The following DIP2C variants were observed in gnomAD, a reference collection of about 807,000 sequenced individuals.
DIP2C encodes DIP2 acetate--CoA ligase C (putative).
Under a neutral mutation model 192.4 loss-of-function variants are expected in DIP2C, and 33 were observed. The observed-to-expected ratio is 0.17, with a 90% CI of 0.13 to 0.23. The LOEUF (loss-of-function observed/expected upper bound fraction) is 0.23. DIP2C is among the 10% of genes least tolerant of loss of function. DIP2C has a pLI of 1.00. For missense variants in DIP2C, 1,537 were observed against 2,110.1 expected (o/e 0.73, Z 5.32); for synonymous variants, 979 against 864.1 (o/e 1.13, Z -2.33).
chr10:332,424 G>A (rs888428434), intron 29 of DIP2C, among the ~76,000 whole-genome samples: 4 of 152,056 alleles, frequency 2.6e-5, no homozygotes, highest in Non-Finnish European at 5.9e-5. Flanking sequence ...TCAACATTAA[G>A]AAAACACAAA....
At chr10:656,035 G>A (rs55633865) in intron 1 of DIP2C, among the ~76,000 whole-genome samples, 4 of 106,290 alleles carry the variant, frequency 3.8e-5, no homozygotes, top group African/African-American at 1.5e-4. Context: ...CTACCCTATA[G>A]AACACTCTAT....
At chr10:316,533 G>A (rs769155197) in intron 31 of DIP2C, among the ~76,000 whole-genome samples, 29 of 152,314 alleles carry the variant, frequency 1.9e-4, no homozygotes, top group Non-Finnish European at 4.1e-4. Context: ...GGGCAAGGGC[G>A]CTGCAGAGGG....
chr10:537,160 A>C (rs1359028315), intron 1 of DIP2C, among the ~76,000 whole-genome samples: 3 of 152,050 alleles, frequency 2.0e-5, no homozygotes, highest in Admixed American at 2.0e-4. Context: ...GACCACCCAG[A>C]GGCAAGGCCG....
rs1349941038 is a variant in DIP2C at position 363,914 on chromosome 10, C to T, written c.2477+460G>A. Among the ~76,000 whole-genome samples the T allele has an allele frequency of 6.6e-6, 1 of 152,108 alleles. No individual in the cohort carries two copies. Among genetic ancestry groups the T allele is most frequent in the Non-Finnish European group, 1.5e-5 (1 of 68,020 alleles). ...TCCAGATTGGCAAAAACTCAGGAAC[C>T]GTGGCAACTTATTTCATCACGGAGC... On this transcript the variant is annotated intron_variant, in intron 20 of 36. Coordinates refer to ENST00000280886, the MANE Select transcript of DIP2C (RefSeq NM_014974.3). The surrounding 1 kb of genome is among the most constrained non-coding windows in gnomAD (Gnocchi z 5.4).
chr10:639,738 G>A (rs1178676125), intron 1 of DIP2C, among the ~76,000 whole-genome samples: 2 of 152,190 alleles, frequency 1.3e-5, no homozygotes, highest in Non-Finnish European at 2.9e-5. Context: ...TAGGCATATT[G>A]TGCCTGTTTT....
At chr10:344,786 C>T (rs1323658364) in intron 28 of DIP2C, 23 bp downstream of exon 28, 31 of 1,561,826 alleles carry the variant, frequency 2.0e-5, no homozygotes, top group Non-Finnish European at 2.5e-5. Flanking sequence ...TCCATGGCCA[C>T]CGCCCGCAGC....
intron 1 of DIP2C, among the ~76,000 whole-genome samples, chr10:672,178 A>C (rs1176148997): frequency 6.6e-6 from 1 of 151,982 alleles, no homozygotes; most frequent in South Asian, 2.1e-4. Context: ...GACGGAGGAA[A>C]CACCACAGAC....
chr10:406,272 G>A (rs1003866986), intron 9 of DIP2C, among the ~76,000 whole-genome samples: 3 of 152,166 alleles, frequency 2.0e-5, no homozygotes, highest in Non-Finnish European at 2.9e-5. Context: ...ATTTTTACAC[G>A]TAGAATTCAG....
At chr10:582,060 T>G (rs1056548003) in intron 1 of DIP2C, among the ~76,000 whole-genome samples, 1 of 151,792 alleles carries the variant, frequency 6.6e-6, no homozygotes, top group African/African-American at 2.4e-5. Flanking sequence ...CAGTTTACAA[T>G]AGGATTCCAG....
intron 1 of DIP2C, among the ~76,000 whole-genome samples, chr10:489,429 G>T (rs975236445): frequency 6.6e-6 from 1 of 152,262 alleles, no homozygotes; most frequent in Non-Finnish European, 1.5e-5. Context: ...GGCAGGTGGT[G>T]GGAGGTGAGA....
chr10:459,767 C>A (rs1349650961), intron 3 of DIP2C, among the ~76,000 whole-genome samples: 4 of 150,402 alleles, frequency 2.7e-5, no homozygotes, highest in African/African-American at 9.8e-5. Flanking sequence ...CTCCCAGTCA[C>A]ATCAGGGAAC....
intron 14 of DIP2C, among the ~76,000 whole-genome samples, chr10:386,609 G>T (rs151034536): frequency 3.4e-4 from 52 of 152,334 alleles, no homozygotes; most frequent in Non-Finnish European, 6.6e-4. Flanking sequence ...GTGTAACACG[G>T]AAAGAAGCCA....
chr10:578,399 G>A (rs554288822), intron 1 of DIP2C, among the ~76,000 whole-genome samples: 117 of 152,280 alleles, frequency 7.7e-4, no homozygotes, highest in African/African-American at 2.5e-3. Flanking sequence ...GTTGTGATAT[G>A]GAAAGCTAGA....
At chr10:584,967 A>AC (rs1251704497) in intron 1 of DIP2C, among the ~76,000 whole-genome samples, 4 of 62,060 alleles carry the variant, frequency 6.4e-5, no homozygotes, top group Non-Finnish European at 9.2e-5. Flanking sequence ...CCGCGACCTG[A>AC]CCCCCACTCA....
intron 3 of DIP2C, among the ~76,000 whole-genome samples, chr10:464,629 G>A (rs1471700457): frequency 6.6e-6 from 1 of 152,142 alleles, no homozygotes; most frequent in South Asian, 2.1e-4. Flanking sequence ...CCATTACTGG[G>A]TATACACCCA....
chr10:480,725 A>G (rs988654139), intron 2 of DIP2C, among the ~76,000 whole-genome samples: 6 of 152,226 alleles, frequency 3.9e-5, no homozygotes, highest in African/African-American at 1.4e-4. Context: ...ATGTTGCTGA[A>G]AAGACCAGGA....
At chr10:679,532 G>A (rs1465365168) in intron 1 of DIP2C, among the ~76,000 whole-genome samples, 45 of 1,246 alleles carry the variant, frequency 0.036, no homozygotes, top group Non-Finnish European at 0.055. Context: ...TGCTCCCCAC[G>A]CCCATGCTCC....
chr10:432,740 G>A (rs2133224407), intron 4 of DIP2C, among the ~76,000 whole-genome samples: 1 of 152,136 alleles, frequency 6.6e-6, no homozygotes, highest in East Asian at 1.9e-4. Flanking sequence ...TCTAAGGTGG[G>A]AGCTTATTGA....
intron 1 of DIP2C, among the ~76,000 whole-genome samples, chr10:595,588 G>C (rs958129551): frequency 1.3e-5 from 2 of 152,068 alleles, no homozygotes; most frequent in African/African-American, 4.8e-5. Context: ...AGCCTTTTTA[G>C]AACAAGGCAG....
Sources: allele counts gnomAD v4.1 joint callset (sites outside exome capture counted in the v4.1 genomes callset), GRCh38; gene constraint gnomAD v4.1.1; non-coding constraint Gnocchi (gnomAD v3.1); transcripts MANE v1.5; gene names NCBI Gene and HGNC (gene_info 2026-07-23, HGNC 2026-07-21).